The following CAPZB variants were observed in gnomAD, a reference collection of about 807,000 sequenced individuals.
CAPZB encodes the protein capping actin protein of muscle Z-line subunit beta.
Under a neutral mutation model 38.1 loss-of-function variants are expected in CAPZB, and 2 were observed. That is an observed-to-expected ratio of 0.05 (90% CI 0.02 to 0.17). The LOEUF (loss-of-function observed/expected upper bound fraction) is 0.17. CAPZB is among the 10% of genes least tolerant of loss of function. The pLI is 1.00. For missense variants in CAPZB, 161 were observed against 334.2 expected, an observed-to-expected ratio of 0.48 and a Z score of 4.04; for synonymous variants, 107 against 127.4, an observed-to-expected ratio of 0.84 and a Z score of 1.08.
chr1:19,353,711 C>A (rs1558178559), intron 6 of CAPZB, among the ~76,000 whole-genome samples: 2 of 152,222 alleles, frequency 1.3e-5, no homozygotes, highest in Non-Finnish European at 2.9e-5. Context: ...TCCCTAGAAA[C>A]CTCAAAGCCC....
chr1:19,466,881 G>A (rs769916304), intron 1 of CAPZB, among the ~76,000 whole-genome samples: 4 of 152,136 alleles, frequency 2.6e-5, no homozygotes, highest in African/African-American at 4.8e-5. Context: ...GCTAGATAGC[G>A]GTGTTAGGCT....
Position 19,373,693 on chromosome 1 carries a change from C to CT in CAPZB, c.329+4846dup, listed in dbSNP as rs67785670. On this transcript the variant is annotated intron_variant, in intron 4 of 8. Transcript: ENST00000264202. ...CACATATTTTTTATTTTTTAGTTTT[C>CT]TTTTTTTTTTTTCCAGAGACAAGGA... 0.011 allele frequency among the ~76,000 whole-genome samples: 1,622 copies of CT among 145,268 alleles called. 61 individuals are homozygous for CT. In the East Asian group the frequency reaches 0.14, roughly 12 times the overall value.
Position 19,348,058 on chromosome 1 carries a change from G to A in CAPZB, c.589-2806C>T, listed in dbSNP as rs570563895. ...TCAAGTTTGACAAGGATGAGATGTC[G>A]CTACTAGGAAAGCTTTTGTGCAACT... On this transcript the variant is annotated intron_variant, in intron 6 of 8. Coordinates refer to ENST00000264202, the MANE Select transcript of CAPZB (RefSeq NM_004930.5). Among the ~76,000 whole-genome samples, 11 of 152,240 alleles carry A rather than the reference G, an allele frequency of 7.2e-5. No homozygotes were observed. In the East Asian group the frequency reaches 7.7e-4, roughly 11 times the overall value.
intron 2 of CAPZB, among the ~76,000 whole-genome samples, chr1:19,387,283 G>A (rs1022502233): frequency 2.6e-5 from 4 of 152,186 alleles, no homozygotes; most frequent in Non-Finnish European, 5.9e-5. Context: ...TTGGTTTAAT[G>A]TCCAGCTAAG....
At chr1:19,459,918 A>C (rs142080528) in intron 1 of CAPZB, among the ~76,000 whole-genome samples, 1 of 152,288 alleles carries the variant, frequency 6.6e-6, no homozygotes, top group African/African-American at 2.4e-5. Context: ...GTGATCACAC[A>C]GTTGCAGTCC....
At chr1:19,484,772 C>A in intron 1 of CAPZB, 1 of 980,696 alleles carries the variant, frequency 1.0e-6, no homozygotes, top group Non-Finnish European at 1.2e-6. Flanking sequence ...GCGAAAAGTC[C>A]AGGGAAGGGG....
At chr1:19,427,416 C>T (rs975424638) in intron 1 of CAPZB, among the ~76,000 whole-genome samples, 4 of 152,352 alleles carry the variant, frequency 2.6e-5, no homozygotes, top group South Asian at 2.1e-4. Flanking sequence ...ACTCTGCTGG[C>T]GCCCAGAATG....
chr1:19,389,015 G>A (rs920325952), intron 2 of CAPZB, among the ~76,000 whole-genome samples: 1 of 152,126 alleles, frequency 6.6e-6, no homozygotes, highest in African/African-American at 2.4e-5. Context: ...TCTTAAGCTG[G>A]GCCATAGTTT....
At chr1:19,412,204 A>C (rs1314676550) in intron 2 of CAPZB, among the ~76,000 whole-genome samples, 4 of 152,198 alleles carry the variant, frequency 2.6e-5, no homozygotes, top group Admixed American at 2.0e-4. Context: ...ATCAGTCACA[A>C]CAGAGACTAT....
chr1:19,485,489 C>T lies in CAPZB; in HGVS notation c.-51G>A. Reference sequence around the variant, plus strand: ...GTCCCGGCGTCAGTGGCTCTCCCCCCCGCAGCAGGGCCCGGCGCTTCCACT... The same window carrying T: ...GTCCCGGCGTCAGTGGCTCTCCCCCTCGCAGCAGGGCCCGGCGCTTCCACT... On this transcript the variant is annotated 5_prime_UTR_variant, in exon 1 of 9. Transcript: ENST00000264202. The T allele has an allele frequency of 7.3e-6, 9 of 1,227,732 alleles. No individual in the cohort carries two copies. The highest frequency in any genetic ancestry group is 8.1e-6 in the Non-Finnish European group (8 of 985,278). 76.1% of individuals were successfully genotyped at this position (1,227,732 alleles called of 1,614,324 possible). A position where few individuals can be genotyped will look rare whatever the true frequency, so the allele number is the denominator to read the frequency against.
chr1:19,477,480 T>C (rs888584049), intron 1 of CAPZB, among the ~76,000 whole-genome samples: 1 of 152,198 alleles, frequency 6.6e-6, no homozygotes, highest in Non-Finnish European at 1.5e-5. Context: ...TCTCAAGACT[T>C]TTCACACCAG....
rs2094022078 is a variant in CAPZB at position 19,356,571 on chromosome 1, G to A, written c.588+64C>T. On this transcript the variant is annotated intron_variant, in intron 6 of 8. Coordinates refer to ENST00000264202, the MANE Select transcript of CAPZB (RefSeq NM_004930.5). This position sits in a 1 kb window ranked among gnomAD's most constrained non-coding sequence, Gnocchi z 4.3. ...ATGGGGCACCTGCTCACTCATCTCTGCAGGTCAGCACTGAGGCCAGCACCT... is the reference window on the plus strand; with the variant it reads ...ATGGGGCACCTGCTCACTCATCTCTACAGGTCAGCACTGAGGCCAGCACCT... 4.9e-6 allele frequency: 5 copies of A among 1,030,288 alleles called. No individual in the cohort carries two copies. The highest frequency in any genetic ancestry group is 6.2e-6 in the Non-Finnish European group (4 of 647,042). The allele number at this position is 1,030,288 out of a possible 1,614,324, so 63.8% of individuals were successfully genotyped here. A position where few individuals can be genotyped will look rare whatever the true frequency, so the allele number is the denominator to read the frequency against.
chr1:19,393,244 G>A lies in CAPZB; in HGVS notation c.94-7618C>T, dbSNP rs11588205. On this transcript the variant is annotated intron_variant, in intron 2 of 8. Transcript: ENST00000264202. ...AGGCACCTGCACAGGCGGCAGCTTC[G>A]CGCCGGGCCTGAAAGTCACACCCGG... Among the ~76,000 whole-genome samples, 1,222 of 152,326 alleles carry A rather than the reference G, an allele frequency of 8.0e-3. 16 individuals are homozygous for A. The highest frequency in any genetic ancestry group is 0.027 in the African/African-American group (1,108 of 41,570).
intron 7 of CAPZB, 79 bp downstream of exon 7, chr1:19,345,108 G>A: frequency 9.3e-7 from 1 of 1,075,980 alleles, no homozygotes; most frequent in Non-Finnish European, 1.4e-6. Context: ...CAGAGAAGGA[G>A]GCCAGCACAG....
chr1:19,348,050 G>C (rs192946446), intron 6 of CAPZB, among the ~76,000 whole-genome samples: 92 of 152,294 alleles, frequency 6.0e-4, no homozygotes, highest in Non-Finnish European at 1.1e-3. Context: ...TGACAAGGAT[G>C]AGATGTCGCT....
At chr1:19,413,375 C>T (rs1460196560) in intron 2 of CAPZB, among the ~76,000 whole-genome samples, 1 of 152,204 alleles carries the variant, frequency 6.6e-6, no homozygotes, top group African/African-American at 2.4e-5. Flanking sequence ...ATTCTCTCAC[C>T]CAAACTGGAG....
At chr1:19,372,719 G>A (rs2094125275) in intron 4 of CAPZB, among the ~76,000 whole-genome samples, 1 of 152,218 alleles carries the variant, frequency 6.6e-6, no homozygotes, top group Non-Finnish European at 1.5e-5. Context: ...CTGAGAAAGA[G>A]TGTCAAATGA....
At chr1:19,416,429 G>A (rs1440002359) in intron 2 of CAPZB, among the ~76,000 whole-genome samples, 2 of 152,024 alleles carry the variant, frequency 1.3e-5, no homozygotes, top group Non-Finnish European at 2.9e-5. Context: ...ATCTAAAGGA[G>A]GTGAGGTGGC....
intron 1 of CAPZB, among the ~76,000 whole-genome samples, chr1:19,476,242 ACTGTGGCACATGCCTGTTATCCCAGCT>A (rs2094606727): frequency 6.6e-6 from 1 of 151,880 alleles, no homozygotes; most frequent in African/African-American, 2.4e-5. Context: ...GCAGGCAGGC[ACTGTGGCACATGCCTGTTATCCCAGCT>A]GGCAGGCACT....
Sources: gnomAD v4.1 joint callset for allele counts (sites outside exome capture counted in the v4.1 genomes callset) on GRCh38, gnomAD v4.1.1 for gene constraint, Gnocchi (gnomAD v3.1) non-coding constraint, MANE v1.5 for transcripts, NCBI Gene and HGNC (gene_info 2026-07-23, HGNC 2026-07-21) for gene names.